Variants in TBL1XR1 observed in about 807,000 individuals in gnomAD.
TBL1XR1 encodes TBL1X/Y related 1, also known as F-box-like/WD repeat-containing protein TBL1XR1.
TBL1XR1 carries 5 observed loss-of-function variants against 66.9 expected under a neutral mutation model. That is an observed-to-expected ratio of 0.07 (90% CI 0.04 to 0.16). The LOEUF (loss-of-function observed/expected upper bound fraction) is 0.16, where lower values mean the gene tolerates loss of function less well. Among genes scored for constraint, TBL1XR1 ranks in the 10% least tolerant of loss-of-function variants. TBL1XR1 has a pLI of 1.00. For missense variants in TBL1XR1, 238 were observed against 623.2 expected (o/e 0.38, Z 6.58); for synonymous variants, 210 against 206.0 (o/e 1.02, Z -0.17).
intron 1 of TBL1XR1, among the ~76,000 whole-genome samples, chr3:177,195,314 G>C (rs750408709): frequency 6.6e-6 from 1 of 151,906 alleles, no homozygotes. Context: ...TCCCCCACAG[G>C]TAAATGCTAA....
chr3:177,086,599 T>C (rs1195515986), intron 2 of TBL1XR1, among the ~76,000 whole-genome samples: 2 of 152,144 alleles, frequency 1.3e-5, no homozygotes, highest in Admixed American at 1.3e-4. Flanking sequence ...CTCTCTACTA[T>C]AATTAGAGCC....
intron 3 of TBL1XR1, among the ~76,000 whole-genome samples, chr3:177,056,818 ACTCT>A (rs1717858949): frequency 6.6e-6 from 1 of 151,550 alleles, no homozygotes; most frequent in Non-Finnish European, 1.5e-5. Flanking sequence ...AAATCCTACC[ACTCT>A]ACCATCTGTA....
At chr3:177,193,319 G>GT (rs1157291876) in intron 1 of TBL1XR1, among the ~76,000 whole-genome samples, 2 of 151,748 alleles carry the variant, frequency 1.3e-5, no homozygotes, top group Non-Finnish European at 2.9e-5. Flanking sequence ...TTTTTTGTTT[G>GT]TTTGTTTTTG....
intron 1 of TBL1XR1, among the ~76,000 whole-genome samples, chr3:177,176,867 C>G (rs1189572152): frequency 6.6e-6 from 1 of 152,090 alleles, no homozygotes; most frequent in Non-Finnish European, 1.5e-5. Context: ...GTAGTCCCAG[C>G]TACTGACGAG....
chr3:177,145,370 T>C (rs554183576), intron 1 of TBL1XR1, among the ~76,000 whole-genome samples: 9 of 152,264 alleles, frequency 5.9e-5, no homozygotes, highest in South Asian at 4.2e-4. Context: ...TGGCTCCCTA[T>C]AGAAAAAGTC....
intron 2 of TBL1XR1, among the ~76,000 whole-genome samples, chr3:177,077,117 A>G (rs1030646292): frequency 1.3e-5 from 2 of 152,244 alleles, no homozygotes; most frequent in African/African-American, 4.8e-5. Flanking sequence ...ACATTTTAGT[A>G]TTGTAAACCA....
At chr3:177,169,898 G>C (rs1733258082) in intron 1 of TBL1XR1, among the ~76,000 whole-genome samples, 1 of 152,028 alleles carries the variant, frequency 6.6e-6, no homozygotes, top group South Asian at 2.1e-4. Flanking sequence ...ACTCCTTATT[G>C]ATCAGCAGTA....
intron 1 of TBL1XR1, among the ~76,000 whole-genome samples, chr3:177,100,290 T>A (rs1168534042): frequency 6.6e-6 from 1 of 152,220 alleles, no homozygotes; most frequent in Non-Finnish European, 1.5e-5. Context: ...AATTATTTAT[T>A]TACAGTGCTA....
In TBL1XR1 at chr3:177,145,082, A is replaced by AC. The variant is rs1297561473; in HGVS notation, c.-121-46542dup. 2.0e-5 allele frequency among the ~76,000 whole-genome samples: 3 copies of AC among 152,190 alleles called. No individual in the cohort carries two copies. In the East Asian group the frequency reaches 5.8e-4, roughly 29 times the overall value. ...CTGTTTAATTATAACTTCAAGTGGT[A>AC]CCAGGCAAGCTTAACGAACAGGAAC... On this transcript the variant is annotated intron_variant, in intron 1 of 15. Transcript: ENST00000457928.
chr3:177,193,258 T>C lies in TBL1XR1; in HGVS notation c.-122+3863A>G, dbSNP rs548596471. Among the ~76,000 whole-genome samples, 3 of 152,196 alleles carry C rather than the reference T, an allele frequency of 2.0e-5. No homozygotes were observed. The South Asian group carries it at 6.2e-4, about 32-fold the overall frequency. On this transcript the variant is annotated intron_variant, in intron 1 of 15. Transcript: ENST00000457928. ...GGATAGAGCCTGAGTTTGAACTCAC[T>C]TTAACCACTATGCTACAACACAAAG...
chr3:177,079,555 T>C (rs894652606), intron 2 of TBL1XR1: 1 of 152,012 alleles, frequency 6.6e-6, no homozygotes, highest in African/African-American at 2.4e-5. Flanking sequence ...TGTTATAAAT[T>C]TTAATCGACT....
rs1165338392 is a variant in TBL1XR1 at position 177,019,995 on chromosome 3, AAAAAG to A, written c.*5498_*5502del. 1.3e-5 allele frequency: 2 copies of A among 151,860 alleles called. No homozygotes were observed. The highest frequency in any genetic ancestry group is 1.5e-5 in the Non-Finnish European group (1 of 67,928). 9.4% of individuals were successfully genotyped at this position (151,860 alleles called of 1,614,324 possible). A position where few individuals can be genotyped will look rare whatever the true frequency, so the allele number is the denominator to read the frequency against. On this transcript the variant is annotated 3_prime_UTR_variant, in exon 16 of 16. Transcript: ENST00000457928. ...GAGAGTGTAAATTCTTAAAAAAAAA[AAAAAG>A]AAAATATGCTCAATGATTCTTTTTA...
intron 1 of TBL1XR1, among the ~76,000 whole-genome samples, chr3:177,119,231 C>T (rs951787256): frequency 3.3e-5 from 5 of 152,098 alleles, no homozygotes; most frequent in Non-Finnish European, 7.4e-5. Flanking sequence ...CCTCAGCCTC[C>T]CAAAGTGCTG....
rs1356721517 is a variant in TBL1XR1, at chr3:177,107,502, G to GT, written c.-121-8962dup. 5.9e-5 allele frequency among the ~76,000 whole-genome samples: 9 copies of GT among 152,218 alleles called. No homozygotes were observed. In the South Asian group the frequency reaches 1.2e-3, roughly 21 times the overall value. On this transcript the variant is annotated intron_variant, in intron 1 of 15. Transcript: ENST00000457928. ...TTTATGAAATCAAGGTTGTATGGGG[G>GT]TTTTTTTAGTGGAATATTCTTAATT...
At chr3:177,045,965 G>A (rs1264716387) in intron 10 of TBL1XR1, among the ~76,000 whole-genome samples, 164 bp downstream of exon 10, 1 of 152,052 alleles carries the variant, frequency 6.6e-6, no homozygotes, top group Non-Finnish European at 1.5e-5. Context: ...ATGATCCTCT[G>A]ACAATTAAGA....
intron 2 of TBL1XR1, among the ~76,000 whole-genome samples, chr3:177,066,777 T>C (rs1051232845): frequency 1.3e-5 from 2 of 152,054 alleles, no homozygotes; most frequent in African/African-American, 4.8e-5. Flanking sequence ...TGAGGCATAG[T>C]TGAGGAAAAG....
chr3:177,087,561 A>T (rs1021497793), intron 2 of TBL1XR1, among the ~76,000 whole-genome samples: 12 of 152,224 alleles, frequency 7.9e-5, no homozygotes, highest in African/African-American at 2.7e-4. Flanking sequence ...AAATCAAAAG[A>T]TATAACTAAA....
chr3:177,041,428 G>C (rs779948117), intron 10 of TBL1XR1, among the ~76,000 whole-genome samples: 1 of 152,032 alleles, frequency 6.6e-6, no homozygotes, highest in African/African-American at 2.4e-5. Context: ...TTCCTTCCTT[G>C]GCTTCTTCCC....
chr3:177,021,695 C>CCA lies in TBL1XR1; in HGVS notation c.*3801_*3802dup, dbSNP rs1392778428. 6.6e-6 allele frequency: 1 copy of CCA among 152,598 alleles called. No homozygotes were observed. The highest frequency in any genetic ancestry group is 1.5e-5 in the Non-Finnish European group (1 of 67,980). 9.5% of individuals were successfully genotyped at this position (152,598 alleles called of 1,614,324 possible). A position where few individuals can be genotyped will look rare whatever the true frequency, so the allele number is the denominator to read the frequency against. Reference sequence around the variant, plus strand: ...CAAAGAAAACAAAACGAAAAACCAACCAGGGTCTCTTGTAGATTTGCTGCT... The same window carrying CCA: ...CAAAGAAAACAAAACGAAAAACCAACCACAGGGTCTCTTGTAGATTTGCTGCT... On this transcript the variant is annotated 3_prime_UTR_variant, in exon 16 of 16. Transcript: ENST00000457928.
Sources: allele counts gnomAD v4.1 joint callset (sites outside exome capture counted in the v4.1 genomes callset), GRCh38; gene constraint gnomAD v4.1.1; transcripts MANE v1.5; gene names NCBI Gene and HGNC (gene_info 2026-07-23, HGNC 2026-07-21).